The following CBFB variants were observed in gnomAD, a reference collection of about 807,000 sequenced individuals.
CBFB encodes core-binding factor subunit beta.
Under a neutral mutation model 30.4 loss-of-function variants are expected in CBFB, and 9 were observed. The observed-to-expected ratio is 0.30, with a 90% CI of 0.18 to 0.52. The LOEUF (loss-of-function observed/expected upper bound fraction) is 0.52, where lower values mean the gene tolerates loss of function less well. Ranked by LOEUF, CBFB falls within the 20% of genes least tolerant of loss-of-function variation. The pLI is 0.97. For synonymous variants in CBFB, 94 were observed against 84.0 expected (o/e 1.12, Z -0.65); for missense variants, 170 against 244.0 (o/e 0.70, Z 2.02).
At position 67,099,591 on chromosome 16, in the gene CBFB, A is replaced by G. The variant is rs950477217; in HGVS notation, c.*813A>G. ...GTATTAACTCTGTACTCTGCCCTAGATTGTTTTAGCTTCTGTTCTGTAATC... is the reference window on the plus strand; with the variant it reads ...GTATTAACTCTGTACTCTGCCCTAGGTTGTTTTAGCTTCTGTTCTGTAATC... On this transcript the variant is annotated 3_prime_UTR_variant, in exon 6 of 6. Transcript: ENST00000412916. 1.5e-5 allele frequency: 3 copies of G among 201,986 alleles called. No homozygotes were observed. Among genetic ancestry groups the G allele is most frequent in the Non-Finnish European group, 3.1e-5 (3 of 98,142 alleles). The allele number at this position is 201,986 out of a possible 1,614,324, so 12.5% of individuals were successfully genotyped here.
At chr16:67,044,727 A>G (rs1241349890) in intron 3 of CBFB, among the ~76,000 whole-genome samples, 1 of 152,226 alleles carries the variant, frequency 6.6e-6, no homozygotes, top group Non-Finnish European at 1.5e-5. Flanking sequence ...CCCAAAATAC[A>G]TATTGTGTTT....
chr16:67,089,233 C>T (rs1961815838), intron 5 of CBFB, among the ~76,000 whole-genome samples: 1 of 152,116 alleles, frequency 6.6e-6, no homozygotes, highest in South Asian at 2.1e-4. Flanking sequence ...AAATGATATA[C>T]ATAAGGTACA....
At chr16:67,096,740 C>T (rs527489617) in intron 5 of CBFB, among the ~76,000 whole-genome samples, 1 of 151,824 alleles carries the variant, frequency 6.6e-6, no homozygotes, top group East Asian at 1.9e-4. Context: ...TTTGGGAGGC[C>T]AGGGCGGGTG....
chr16:67,046,082 A>C (rs965477768), intron 3 of CBFB, among the ~76,000 whole-genome samples: 2 of 150,024 alleles, frequency 1.3e-5, no homozygotes, highest in African/African-American at 2.5e-5. Flanking sequence ...AGGCGCTCTG[A>C]GCCACTGTGC....
intron 3 of CBFB, among the ~76,000 whole-genome samples, chr16:67,040,736 A>G (rs145423039): frequency 2.0e-5 from 3 of 152,318 alleles, no homozygotes; most frequent in African/African-American, 7.2e-5. Flanking sequence ...ACCTTTGGGA[A>G]AAAGGAAAGG....
At chr16:67,088,246 T>G (rs1170255364) in intron 5 of CBFB, among the ~76,000 whole-genome samples, 2 of 152,210 alleles carry the variant, frequency 1.3e-5, no homozygotes, top group African/African-American at 2.4e-5. Flanking sequence ...CTTTGTCTTT[T>G]TTTTCCATCC....
At chr16:67,085,621 A>T (rs112552950) in intron 5 of CBFB, among the ~76,000 whole-genome samples, 1 of 151,766 alleles carries the variant, frequency 6.6e-6, no homozygotes, top group African/African-American at 2.4e-5. Context: ...TGACCTCCCA[A>T]AGTGCTGGGA....
At chr16:67,079,515 C>CTTTTTTTTTTTT in intron 4 of CBFB, among the ~76,000 whole-genome samples, 1 of 98,666 alleles carries the variant, frequency 1.0e-5, no homozygotes, top group Non-Finnish European at 2.0e-5. Context: ...GGCCCTGGGT[C>CTTTTTTTTTTTT]TTTTTTTTTT....
intron 5 of CBFB, among the ~76,000 whole-genome samples, chr16:67,095,101 T>C (rs974112659): frequency 6.8e-6 from 1 of 147,514 alleles, no homozygotes; most frequent in African/African-American, 2.5e-5. Context: ...TGCCGGCTAC[T>C]CAGGAGGCTG....
At chr16:67,063,540 C>G (rs1960969130) in intron 3 of CBFB, among the ~76,000 whole-genome samples, 1 of 152,114 alleles carries the variant, frequency 6.6e-6, no homozygotes, top group Non-Finnish European at 1.5e-5. Flanking sequence ...CTCCCAGGTT[C>G]AAGCGATTAT....
Position 67,036,640 on chromosome 16 carries a change from C to T in CBFB, c.167C>T (p.Ala56Val), listed in dbSNP as rs2145713113. 1 of 1,601,460 alleles carries T rather than the reference C, an allele frequency of 6.2e-7. No homozygotes were observed. Among genetic ancestry groups the T allele is most frequent in the Non-Finnish European group, 8.6e-7 (1 of 1,168,616 alleles). The change falls in exon 3 of 6, where the codon GCT (alanine) becomes GTT (valine). Residue 56 changes from alanine to valine, a missense_variant and splice_region_variant. Ala to Val is a moderately conservative substitution (Grantham distance 64). Transcript: ENST00000412916. ...NACRDGRSEI[A>V]FVATGTNLSL... is the part of the protein sequence containing the mutation. ...TGTTTGTATTGATTTTTCTAAAAGG[C>T]TTTTGTGGCCACAGGAACCAATCTG...
chr16:67,036,259 C>T (rs1322736478), intron 2 of CBFB, among the ~76,000 whole-genome samples: 1 of 152,036 alleles, frequency 6.6e-6, no homozygotes, highest in Non-Finnish European at 1.5e-5. Flanking sequence ...TTGTGGTATT[C>T]TTTAAAATTC....
rs1280273428 is a variant in CBFB, at chr16:67,029,217, G to T, written c.-191G>T. On this transcript the variant is annotated 5_prime_UTR_variant, in exon 1 of 6. Coordinates refer to ENST00000412916, the MANE Select transcript of CBFB (RefSeq NM_022845.3). ...GGCGGCGGCGGCGGCGGCGGCGTGGGTTGGGCTCGAGCGGGCGGCGGCGCC... is the reference window on the plus strand; with the variant it reads ...GGCGGCGGCGGCGGCGGCGGCGTGGTTTGGGCTCGAGCGGGCGGCGGCGCC... The T allele has an allele frequency of 7.2e-6, 2 of 278,472 alleles. No individual in the cohort carries two copies. Among genetic ancestry groups the T allele is most frequent in the Non-Finnish European group, 1.3e-5 (2 of 157,292 alleles). The allele number at this position is 278,472 out of a possible 1,614,324, so 17.3% of individuals were successfully genotyped here.
rs1172790792 is a variant in CBFB, at chr16:67,098,821, A to AT, written c.*45dup. 1 of 1,099,218 alleles carries AT rather than the reference A, an allele frequency of 9.1e-7. No individual in the cohort carries two copies. Among genetic ancestry groups the AT allele is most frequent in the African/African-American group, 1.5e-5 (1 of 64,756 alleles). The allele number at this position is 1,099,218 out of a possible 1,614,324, so 68.1% of individuals were successfully genotyped here. ...GTGTGCTGCCCATCTTTACATACAC[A>AT]TTGCTTCTAGTTGGCAGAAATAATT... On this transcript the variant is annotated 3_prime_UTR_variant, in exon 6 of 6. Transcript: ENST00000412916.
At chr16:67,088,855 A>C (rs898329716) in intron 5 of CBFB, among the ~76,000 whole-genome samples, 1 of 152,188 alleles carries the variant, frequency 6.6e-6, no homozygotes, top group African/African-American at 2.4e-5. Flanking sequence ...GGTGCTCGTG[A>C]GTATTTAATC....
chr16:67,033,174 C>T (rs756449203), intron 2 of CBFB, among the ~76,000 whole-genome samples: 3 of 152,102 alleles, frequency 2.0e-5, no homozygotes, highest in Non-Finnish European at 2.9e-5. Flanking sequence ...CACTCCCAGC[C>T]TCATTTTGCA....
At chr16:67,041,275 G>A (rs1167608963) in intron 3 of CBFB, among the ~76,000 whole-genome samples, 1 of 152,138 alleles carries the variant, frequency 6.6e-6, no homozygotes, top group Non-Finnish European at 1.5e-5. Context: ...ATCTACGTTA[G>A]GTTTTGACAG....
At chr16:67,055,357 CTTTTTTTTTTTTTTTTTTTTTTT>C (rs1163773529) in intron 3 of CBFB, among the ~76,000 whole-genome samples, 1 of 81,474 alleles carries the variant, frequency 1.2e-5, no homozygotes, top group African/African-American at 5.4e-5. Context: ...CAGACACTTT[CTTTTTTTTTTTTTTTTTTTTTTT>C]TTTTGAGACG....
chr16:67,041,612 A>C (rs1355561404), intron 3 of CBFB, among the ~76,000 whole-genome samples: 1 of 152,052 alleles, frequency 6.6e-6, no homozygotes, highest in Non-Finnish European at 1.5e-5. Flanking sequence ...CAAAAAAAAA[A>C]GAATGACTCC....
Sources: allele counts gnomAD v4.1 joint callset (sites outside exome capture counted in the v4.1 genomes callset), GRCh38; gene constraint gnomAD v4.1.1; transcripts MANE v1.5; gene names NCBI Gene and HGNC (gene_info 2026-07-23, HGNC 2026-07-21).